Variants in CABCOCO1 observed in about 807,000 individuals in gnomAD.
The protein encoded by CABCOCO1 is ciliary associated calcium binding coiled-coil 1, also known as ciliary-associated calcium-binding coiled-coil protein 1.
A neutral mutation model predicts 35.7 loss-of-function variants in CABCOCO1; 28 were observed. The observed-to-expected ratio is 0.78, with a 90% CI of 0.58 to 1.07. The LOEUF (loss-of-function observed/expected upper bound fraction) is 1.07. CABCOCO1 is among the 50% of genes least tolerant of loss of function. The pLI is 0.00. For missense variants in CABCOCO1, 326 were observed against 309.2 expected (o/e 1.05, Z -0.41); for synonymous variants, 95 against 100.1 (o/e 0.95, Z 0.30).
intron 5 of CABCOCO1, among the ~76,000 whole-genome samples, chr10:61,746,288 T>G (rs1253288871): frequency 6.6e-6 from 1 of 152,194 alleles, no homozygotes; most frequent in Non-Finnish European, 1.5e-5. Flanking sequence ...AGGTGATAAC[T>G]TCATGTGATT....
chr10:61,722,658 T>C (rs568167075), intron 5 of CABCOCO1, among the ~76,000 whole-genome samples: 6 of 151,996 alleles, frequency 3.9e-5, no homozygotes, highest in South Asian at 4.2e-4. Flanking sequence ...GTAGAACTCA[T>C]AAATTCAAGA....
chr10:61,741,924 T>C (rs560747114), intron 5 of CABCOCO1, among the ~76,000 whole-genome samples: 8 of 152,366 alleles, frequency 5.3e-5, no homozygotes, highest in Non-Finnish European at 1.2e-4. Context: ...TTTTATGTAC[T>C]GATTTAGCTT....
At chr10:61,690,319 T>C (rs1840097126) in intron 4 of CABCOCO1, among the ~76,000 whole-genome samples, 1 of 152,154 alleles carries the variant, frequency 6.6e-6, no homozygotes, top group African/African-American at 2.4e-5. Flanking sequence ...GATTTACTGA[T>C]ATTATTCTAG....
intron 5 of CABCOCO1, among the ~76,000 whole-genome samples, chr10:61,754,478 C>CA (rs1252094790): frequency 6.6e-6 from 1 of 152,074 alleles, no homozygotes; most frequent in African/African-American, 2.4e-5. Flanking sequence ...TAGGAATACT[C>CA]AGATTTCTTT....
chr10:61,691,018 C>A (rs1185287108), intron 5 of CABCOCO1, among the ~76,000 whole-genome samples: 15 of 152,034 alleles, frequency 9.9e-5, no homozygotes, highest in Non-Finnish European at 2.2e-4. Context: ...TCATTCTACT[C>A]ATTGTTTAAG....
At chr10:61,732,800 T>G (rs1342344472) in intron 5 of CABCOCO1, among the ~76,000 whole-genome samples, 1 of 152,076 alleles carries the variant, frequency 6.6e-6, no homozygotes, top group African/African-American at 2.4e-5. Flanking sequence ...ACTTTTATAT[T>G]GATTTTAAAA....
intron 5 of CABCOCO1, among the ~76,000 whole-genome samples, chr10:61,720,710 C>T: frequency 6.6e-6 from 1 of 151,812 alleles, no homozygotes. Flanking sequence ...GTAATGAGGA[C>T]AAAACCTTCA....
intron 3 of CABCOCO1, among the ~76,000 whole-genome samples, chr10:61,685,763 T>C (rs531238817): frequency 2.6e-5 from 4 of 152,218 alleles, no homozygotes; most frequent in Non-Finnish European, 5.9e-5. Context: ...GGTTTCGCCA[T>C]GTTGCCTTGG....
chr10:61,692,749 T>C (rs897762140), intron 5 of CABCOCO1, among the ~76,000 whole-genome samples: 2 of 152,154 alleles, frequency 1.3e-5, no homozygotes, highest in African/African-American at 4.8e-5. Flanking sequence ...CTTCTGACTT[T>C]CATAAAAATT....
chr10:61,720,604 T>G (rs2132040384), intron 5 of CABCOCO1, among the ~76,000 whole-genome samples: 2 of 152,322 alleles, frequency 1.3e-5, no homozygotes, highest in Middle Eastern at 3.4e-3. Flanking sequence ...TAAATTCAGT[T>G]GAACATAAAA....
At chr10:61,739,296 T>C (rs990791059) in intron 5 of CABCOCO1, among the ~76,000 whole-genome samples, 14 of 152,232 alleles carry the variant, frequency 9.2e-5, no homozygotes, top group African/African-American at 3.4e-4. Flanking sequence ...AGAAATATTC[T>C]ATAATTCAGA....
chr10:61,710,039 G>A (rs970933497), intron 5 of CABCOCO1, among the ~76,000 whole-genome samples: 1 of 151,812 alleles, frequency 6.6e-6, no homozygotes, highest in Non-Finnish European at 1.5e-5. Context: ...CAAAATGTAG[G>A]CAGAATGATT....
At chr10:61,745,975 T>G (rs193010750) in intron 5 of CABCOCO1, among the ~76,000 whole-genome samples, 1 of 152,284 alleles carries the variant, frequency 6.6e-6, no homozygotes, top group Admixed American at 6.5e-5. Flanking sequence ...GCTAATGCAT[T>G]TTTTTAAGGA....
At chr10:61,707,465 T>C (rs1180048372) in intron 5 of CABCOCO1, among the ~76,000 whole-genome samples, 1 of 152,188 alleles carries the variant, frequency 6.6e-6, no homozygotes, top group African/African-American at 2.4e-5. Context: ...ATTTTCTACT[T>C]ATCACCTGTG....
chr10:61,719,403 C>T (rs949613670), intron 5 of CABCOCO1, among the ~76,000 whole-genome samples: 14 of 151,872 alleles, frequency 9.2e-5, no homozygotes, highest in African/African-American at 2.4e-4. Flanking sequence ...TTAACTTAAC[C>T]TCTCCAGTTA....
At chr10:61,744,785 A>G (rs1422212538) in intron 5 of CABCOCO1, among the ~76,000 whole-genome samples, 3 of 152,208 alleles carry the variant, frequency 2.0e-5, no homozygotes, top group Admixed American at 6.5e-5. Flanking sequence ...CTACCTAAGA[A>G]AAATGGCAAA....
At chr10:61,666,853 A>T (rs1839188911) in intron 1 of CABCOCO1, among the ~76,000 whole-genome samples, 1 of 148,558 alleles carries the variant, frequency 6.7e-6, no homozygotes, top group African/African-American at 2.5e-5. Context: ...AATGGACAAA[A>T]TAGGCAGCAG....
Position 61,688,141 on chromosome 10 carries a change from C to G in CABCOCO1, c.479+1956C>G, listed in dbSNP as rs549030848. 3.3e-5 allele frequency among the ~76,000 whole-genome samples: 5 copies of G among 152,098 alleles called. No individual in the cohort carries two copies. The South Asian group carries it at 1.0e-3, about 32-fold the overall frequency. The stretch of plus-strand genomic sequence containing the variant: ...AACCTACCCATCCTGCACATGTACC[C>G]TTAAAGTTAAAAGTTGAAGGAAAAA... On this transcript the variant is annotated intron_variant, in intron 4 of 7. Coordinates refer to ENST00000648843, the MANE Select transcript of CABCOCO1 (RefSeq NM_001366906.2).
intron 7 of CABCOCO1, among the ~76,000 whole-genome samples, chr10:61,762,380 T>C (rs1006934398): frequency 2.6e-5 from 4 of 152,254 alleles, no homozygotes; most frequent in Non-Finnish European, 4.4e-5. Context: ...TATCTTCCCA[T>C]TGGCCTGAAG....
Sources: gnomAD v4.1 joint callset for allele counts (sites outside exome capture counted in the v4.1 genomes callset) on GRCh38, gnomAD v4.1.1 for gene constraint, MANE v1.5 for transcripts, NCBI Gene and HGNC (gene_info 2026-07-23, HGNC 2026-07-21) for gene names.